ASIC2: variants seen among roughly 807,000 people sequenced by gnomAD.
ASIC2 encodes the protein acid sensing ion channel subunit 2.
Under a neutral mutation model 57.3 loss-of-function variants are expected in ASIC2, and 25 were observed. The observed-to-expected ratio is 0.44, with a 90% CI of 0.32 to 0.61. ASIC2 has a LOEUF of 0.61. Among genes scored for constraint, ASIC2 ranks in the 20% least tolerant of loss-of-function variants. The pLI is 0.06. For synonymous variants in ASIC2, 319 were observed against 307.5 expected, an observed-to-expected ratio of 1.04 and a Z score of -0.39; for missense variants, 641 against 738.1, an observed-to-expected ratio of 0.87 and a Z score of 1.52.
chr17:33,724,846 A>G (rs567283050), intron 1 of ASIC2, among the ~76,000 whole-genome samples: 3 of 152,092 alleles, frequency 2.0e-5, no homozygotes, highest in Non-Finnish European at 4.4e-5. Context: ...ACACACACAC[A>G]CACACATACA....
At position 33,919,770 on chromosome 17, in the gene ASIC2, C is replaced by T. The variant is rs952884600; in HGVS notation, c.555+236208G>A. ...TGAGAGAAAATGCTCACAAATTATG[C>T]ATCCAGCAAAGGCCTAATATCCAGA... On this transcript the variant is annotated intron_variant, in intron 1 of 9. Transcript: ENST00000359872. 1.3e-5 allele frequency among the ~76,000 whole-genome samples: 2 copies of T among 152,296 alleles called. 1 individual carries two copies. The highest frequency in any genetic ancestry group is 4.1e-4 in the South Asian group (2 of 4,826).
At chr17:33,769,825 C>T (rs949223923) in intron 1 of ASIC2, among the ~76,000 whole-genome samples, 2 of 152,178 alleles carry the variant, frequency 1.3e-5, no homozygotes, top group Non-Finnish European at 2.9e-5. Flanking sequence ...TCCTTGTGTG[C>T]GGATGGCCAT....
At chr17:33,965,104 G>C (rs1409079385) in intron 1 of ASIC2, among the ~76,000 whole-genome samples, 1 of 152,196 alleles carries the variant, frequency 6.6e-6, no homozygotes, top group Non-Finnish European at 1.5e-5. Context: ...AAATGAGAAA[G>C]AGGAAAGGAA....
At chr17:33,328,561 T>A (rs1030151233) in intron 1 of ASIC2, among the ~76,000 whole-genome samples, 13 of 152,170 alleles carry the variant, frequency 8.5e-5, no homozygotes, top group Non-Finnish European at 1.3e-4. Context: ...TGACCACGTT[T>A]CTGTGATAGA....
intron 1 of ASIC2, among the ~76,000 whole-genome samples, chr17:34,128,097 A>G (rs1911841642): frequency 6.6e-6 from 1 of 152,202 alleles, no homozygotes; most frequent in Non-Finnish European, 1.5e-5. Flanking sequence ...TAAATGTTTG[A>G]GAAAAGGAGA....
intron 1 of ASIC2, among the ~76,000 whole-genome samples, chr17:33,168,616 T>C (rs1348432560): frequency 6.6e-6 from 1 of 152,192 alleles, no homozygotes; most frequent in African/African-American, 2.4e-5. Context: ...GGAATTGTAC[T>C]TGTGTCCTAG....
At chr17:33,329,795 T>C (rs1028719639) in intron 1 of ASIC2, among the ~76,000 whole-genome samples, 1 of 152,184 alleles carries the variant, frequency 6.6e-6, no homozygotes, top group Non-Finnish European at 1.5e-5. Flanking sequence ...CATGAATGTT[T>C]GTGAGGATCA....
At chr17:33,349,564 G>A (rs369030933) in intron 1 of ASIC2, among the ~76,000 whole-genome samples, 1 of 152,088 alleles carries the variant, frequency 6.6e-6, no homozygotes, top group Admixed American at 6.5e-5. Context: ...CCCTCATCCC[G>A]AATGCCCTCC....
chr17:34,132,221 G>A (rs1911997790), intron 1 of ASIC2, among the ~76,000 whole-genome samples: 1 of 152,204 alleles, frequency 6.6e-6, no homozygotes, highest in African/African-American at 2.4e-5. Context: ...CTCCCGGTAA[G>A]TTCGTGGTGT....
intron 1 of ASIC2, among the ~76,000 whole-genome samples, chr17:34,021,834 TTTG>T (rs1335120160): frequency 4.4e-4 from 57 of 130,114 alleles, no homozygotes; most frequent in Non-Finnish European, 7.1e-4. Context: ...TGTGTTTTGT[TTTG>T]TTTTTTTTTT....
At chr17:33,184,932 T>C (rs184668960) in intron 1 of ASIC2, among the ~76,000 whole-genome samples, 3 of 152,346 alleles carry the variant, frequency 2.0e-5, no homozygotes, top group East Asian at 3.9e-4. Context: ...ACATTCATCA[T>C]CAGACCTAAA....
intron 3 of ASIC2, among the ~76,000 whole-genome samples, chr17:33,070,174 C>T (rs933737951): frequency 5.3e-5 from 8 of 152,100 alleles, no homozygotes; most frequent in East Asian, 3.9e-4. Flanking sequence ...TTGTCCTTTA[C>T]GATATTGCTG....
intron 1 of ASIC2, among the ~76,000 whole-genome samples, chr17:34,054,749 G>A (rs1158065205): frequency 1.3e-5 from 2 of 152,158 alleles, no homozygotes; most frequent in African/African-American, 2.4e-5. Flanking sequence ...GATGACATAG[G>A]TGAAGGATAG....
At chr17:34,109,789 T>C (rs112105665) in intron 1 of ASIC2, among the ~76,000 whole-genome samples, 1 of 152,140 alleles carries the variant, frequency 6.6e-6, no homozygotes, top group African/African-American at 2.4e-5. Context: ...AAAATAAAAA[T>C]TTGGAGGCAT....
chr17:33,374,773 C>A (rs918846323), intron 1 of ASIC2, among the ~76,000 whole-genome samples: 3 of 152,178 alleles, frequency 2.0e-5, no homozygotes, highest in African/African-American at 4.8e-5. Context: ...CACTTGGCAC[C>A]CACAGGACCC....
chr17:33,254,171 G>C (rs1908977880), intron 1 of ASIC2, among the ~76,000 whole-genome samples: 1 of 152,162 alleles, frequency 6.6e-6, no homozygotes, highest in African/African-American at 2.4e-5. Flanking sequence ...CTATTCCAGA[G>C]GTGGCTCTGG....
At chr17:33,894,368 T>C (rs1915041489) in intron 1 of ASIC2, among the ~76,000 whole-genome samples, 1 of 148,250 alleles carries the variant, frequency 6.7e-6, no homozygotes, top group Non-Finnish European at 1.5e-5. Context: ...TGTGTGTGTG[T>C]GTGTGTGTGT....
rs541816298 is a variant in ASIC2, at chr17:33,028,123, GAAC to G, written c.1138+116_1138+118del. ...GGCACCAAATAACAGAGTCTTCCCA[GAAC>G]ATCATCCTTTTGGATCCCAGCGAAG... On this transcript the variant is annotated intron_variant, in intron 4 of 9. Coordinates refer to ENST00000225823, the MANE Select transcript of ASIC2 (RefSeq NM_183377.2). 2.7e-4 allele frequency: 376 copies of G among 1,375,438 alleles called. 3 individuals are homozygous for G. The South Asian group carries it at 5.0e-3, about 18-fold the overall frequency. 85.2% of individuals were successfully genotyped at this position (1,375,438 alleles called of 1,614,324 possible).
At chr17:34,034,597 G>A (rs995726901) in intron 1 of ASIC2, among the ~76,000 whole-genome samples, 1 of 152,138 alleles carries the variant, frequency 6.6e-6, no homozygotes, top group African/African-American at 2.4e-5. Flanking sequence ...TGACATGATT[G>A]TATATCTAGA....
Sources: gnomAD v4.1 joint callset for allele counts (sites outside exome capture counted in the v4.1 genomes callset) on GRCh38, gnomAD v4.1.1 for gene constraint, MANE v1.5 for transcripts, NCBI Gene and HGNC (gene_info 2026-07-23, HGNC 2026-07-21) for gene names.